Variants in TGM3 observed in about 807,000 individuals in gnomAD.
TGM3 encodes the protein transglutaminase 3, also known as protein-glutamine gamma-glutamyltransferase E.
TGM3 carries 52 observed loss-of-function variants against 73.8 expected under a neutral mutation model. That is an observed-to-expected ratio of 0.70 (90% confidence interval 0.56 to 0.89). The LOEUF (loss-of-function observed/expected upper bound fraction) is 0.89, where lower values mean the gene tolerates loss of function less well. Among genes scored for constraint, TGM3 ranks in the 40% least tolerant of loss-of-function variants. The probability of loss-of-function intolerance (pLI) is 0.00; values close to 1 mark genes in which losing one functional copy is unlikely to be tolerated. For missense variants in TGM3, 928 were observed against 909.9 expected, an observed-to-expected ratio of 1.02 and a Z score of -0.26; for synonymous variants, 372 against 354.9, an observed-to-expected ratio of 1.05 and a Z score of -0.54.
chr20:2,321,736 G>C (rs1022189866), intron 7 of TGM3, among the ~76,000 whole-genome samples: 1 of 152,146 alleles, frequency 6.6e-6, no homozygotes, highest in Non-Finnish European at 1.5e-5. Context: ...CCCGAGGTTG[G>C]GGGGTGGGAG....
At chr20:2,313,120 A>C in intron 5 of TGM3, 94 bp downstream of exon 5, 119 of 1,521,998 alleles carry the variant, frequency 7.8e-5, no homozygotes, top group East Asian at 1.6e-4. Flanking sequence ...ATGTCATCTC[A>C]TTAAAGCCTC....
At chr20:2,330,240 A>G (rs951568636) in intron 9 of TGM3, among the ~76,000 whole-genome samples, 2 of 152,230 alleles carry the variant, frequency 1.3e-5, no homozygotes, top group African/African-American at 4.8e-5. Flanking sequence ...CAAAGGGAGA[A>G]AACAGCAGGA....
chr20:2,338,641 T>C (rs2084363665), intron 11 of TGM3, among the ~76,000 whole-genome samples: 1 of 152,262 alleles, frequency 6.6e-6, no homozygotes. Flanking sequence ...TTCCAGGTTA[T>C]TGAATCAGCC....
chr20:2,316,284 A>G (rs2084232516), intron 5 of TGM3, among the ~76,000 whole-genome samples: 1 of 152,254 alleles, frequency 6.6e-6, no homozygotes, highest in Non-Finnish European at 1.5e-5. Context: ...CTAAAGTTCT[A>G]AAGTGATCTT....
chr20:2,317,021 G>A (rs1310027273), intron 5 of TGM3, 47 bp from the exon 6 acceptor site: 8 of 1,599,444 alleles, frequency 5.0e-6, no homozygotes, highest in East Asian at 4.5e-5. Flanking sequence ...GTCTCCCTAG[G>A]AAAGGCATTA....
rs573872872 is a variant in TGM3 at position 2,334,852 on chromosome 20, C to T, written c.1643-264C>T. ...ATTTTTCGGAGTCGGGAGGAAGCAGCGGTATCTTTAGCCCCTGTGAGCCCA... is the reference window on the plus strand; with the variant it reads ...ATTTTTCGGAGTCGGGAGGAAGCAGTGGTATCTTTAGCCCCTGTGAGCCCA... On this transcript the variant is annotated intron_variant, in intron 10 of 12. Coordinates refer to ENST00000381458, the MANE Select transcript of TGM3 (RefSeq NM_003245.4). The surrounding 1 kb of genome is among the most constrained non-coding windows in gnomAD (Gnocchi z 4.0). 3.9e-5 allele frequency among the ~76,000 whole-genome samples: 6 copies of T among 152,344 alleles called. No homozygotes were observed. Among genetic ancestry groups the T allele is most frequent in the Middle Eastern group, 3.4e-3 (1 of 294 alleles).
intron 8 of TGM3, among the ~76,000 whole-genome samples, chr20:2,326,611 G>A (rs1174586079): frequency 1.3e-5 from 2 of 152,214 alleles, no homozygotes; most frequent in Non-Finnish European, 2.9e-5. Flanking sequence ...CACTTTGGGA[G>A]GCCAAGGAGG....
intron 1 of TGM3, among the ~76,000 whole-genome samples, chr20:2,304,308 G>C (rs1299130706): frequency 6.6e-6 from 1 of 152,154 alleles, no homozygotes; most frequent in Non-Finnish European, 1.5e-5. Context: ...ATGACTGAGG[G>C]AGGCAGCCAG....
chr20:2,333,442 A>G (rs2084331525), intron 10 of TGM3, among the ~76,000 whole-genome samples: 1 of 152,134 alleles, frequency 6.6e-6, no homozygotes, highest in Admixed American at 6.6e-5. Context: ...GCCAGGCTGA[A>G]GTGATCATAG....
intron 7 of TGM3, among the ~76,000 whole-genome samples, chr20:2,322,032 T>C (rs2084265320): frequency 6.6e-6 from 1 of 151,938 alleles, no homozygotes; most frequent in Non-Finnish European, 1.5e-5. Flanking sequence ...CCTTATTCAC[T>C]TTCTCATCCC....
intron 11 of TGM3, among the ~76,000 whole-genome samples, chr20:2,339,283 T>C (rs995153340): frequency 3.3e-5 from 5 of 151,398 alleles, no homozygotes; most frequent in African/African-American, 1.2e-4. Flanking sequence ...GAGACGGAGG[T>C]TCAAGCTTTA....
At chr20:2,296,126 G>C (rs1443990250) in intron 1 of TGM3, 56 bp downstream of exon 1, 10 of 1,547,346 alleles carry the variant, frequency 6.5e-6, no homozygotes, top group African/African-American at 1.4e-5. Flanking sequence ...TGCTTCCCCT[G>C]GGCCAGCCTG....
intron 5 of TGM3, among the ~76,000 whole-genome samples, chr20:2,313,807 T>C (rs1469591699): frequency 1.3e-5 from 2 of 152,094 alleles, no homozygotes; most frequent in Non-Finnish European, 2.9e-5. Flanking sequence ...GGTGGGAAGA[T>C]GGCTTGAGCC....
rs2084305145 is a variant in TGM3, at chr20:2,328,925, C to T, written c.1333+560C>T. ...TCTCAGGCATGCTACATTGCTCGTC[C>T]CCCTGAAGTCACCTTGGAAAGCCAG... On this transcript the variant is annotated intron_variant, in intron 9 of 12. Coordinates refer to ENST00000381458, the MANE Select transcript of TGM3 (RefSeq NM_003245.4). The surrounding 1 kb of genome is among the most constrained non-coding windows in gnomAD (Gnocchi z 5.2). Among the ~76,000 whole-genome samples the T allele has an allele frequency of 6.6e-6, 1 of 152,178 alleles. No individual in the cohort carries two copies.
chr20:2,319,962 C>T (rs84825), intron 7 of TGM3, among the ~76,000 whole-genome samples: 105,118 of 152,172 alleles, frequency 0.69, 38,603 homozygotes, highest in East Asian at 0.96. Context: ...CCTTTGCCAG[C>T]TTAAATGTTT....
At chr20:2,316,109 G>A (rs752448483) in intron 5 of TGM3, among the ~76,000 whole-genome samples, 9 of 152,126 alleles carry the variant, frequency 5.9e-5, no homozygotes, top group Admixed American at 1.3e-4. Flanking sequence ...CTCAGGTCTC[G>A]ATTTCTAGTC....
intron 11 of TGM3, among the ~76,000 whole-genome samples, chr20:2,336,625 C>T (rs1600710212): frequency 6.6e-6 from 1 of 150,838 alleles, no homozygotes; most frequent in East Asian, 2.0e-4. Context: ...TGCAATTGCA[C>T]CCTTTTACTG....
At chr20:2,318,546 C>A (rs748515685) in intron 7 of TGM3, among the ~76,000 whole-genome samples, 1 of 152,000 alleles carries the variant, frequency 6.6e-6, no homozygotes, top group African/African-American at 2.4e-5. Flanking sequence ...AAGTTATTAC[C>A]GGATGGCAAT....
intron 1 of TGM3, among the ~76,000 whole-genome samples, chr20:2,297,086 A>C (rs2084112913): frequency 6.6e-6 from 1 of 152,116 alleles, no homozygotes; most frequent in Non-Finnish European, 1.5e-5. Flanking sequence ...TAAGAAGAGG[A>C]GCTCTGGACC....
Sources: gnomAD v4.1 joint callset for allele counts (sites outside exome capture counted in the v4.1 genomes callset) on GRCh38, gnomAD v4.1.1 for gene constraint, Gnocchi (gnomAD v3.1) non-coding constraint, MANE v1.5 for transcripts, NCBI Gene and HGNC (gene_info 2026-07-23, HGNC 2026-07-21) for gene names.